Variants in SHROOM3 observed in about 807,000 individuals in gnomAD.
SHROOM3 encodes protein Shroom3.
SHROOM3 carries 47 observed loss-of-function variants against 138.6 expected under a neutral mutation model. That is an observed-to-expected ratio of 0.34 (90% CI 0.27 to 0.43). The LOEUF (loss-of-function observed/expected upper bound fraction) is 0.43. Ranked by LOEUF, SHROOM3 falls within the 20% of genes least tolerant of loss-of-function variation. The pLI, the probability that SHROOM3 is intolerant of heterozygous loss-of-function variation, is 1.00. For missense variants in SHROOM3, 2,491 were observed against 2,596.5 expected (o/e 0.96, Z 0.88); for synonymous variants, 1,062 against 1,063.3 (o/e 1.00, Z 0.02).
In SHROOM3 at chr4:76,741,761, A is replaced by G. The variant is rs1721264710; in HGVS notation, c.3588A>G (p.Thr1196=). 1 of 1,568,516 alleles carries G rather than the reference A, an allele frequency of 6.4e-7. No homozygotes were observed. The highest frequency in any genetic ancestry group is 1.3e-5 in the African/African-American group (1 of 74,108). The change falls in exon 5 of 11, where the codon ACA becomes ACG. Residue 1196 remains threonine (T), a synonymous_variant. Coordinates refer to ENST00000296043, the MANE Select transcript of SHROOM3 (RefSeq NM_020859.4). This position sits in a 1 kb window ranked among gnomAD's most constrained non-coding sequence, Gnocchi z 6.2. Reference sequence around the variant, plus strand: ...TGCTTAGCGGAGCAAACGGTGGAACAAGGGGCACCCAGAGAGGGGATGAGA... The same window carrying G: ...TGCTTAGCGGAGCAAACGGTGGAACGAGGGGCACCCAGAGAGGGGATGAGA... The part of the protein sequence containing the change: ...GDLLSGANGG[T]RGTQRGDETP...
intron 2 of SHROOM3, among the ~76,000 whole-genome samples, chr4:76,608,585 C>T (rs1426758504): frequency 2.1e-4 from 21 of 100,756 alleles, no homozygotes; most frequent in African/African-American, 6.6e-4. Flanking sequence ...CATAGCATAG[C>T]ATAGCATAGC....
intron 1 of SHROOM3, among the ~76,000 whole-genome samples, chr4:76,442,910 T>C (rs771401832): frequency 7.2e-5 from 11 of 152,196 alleles, no homozygotes; most frequent in Admixed American, 1.3e-4. Flanking sequence ...AAGAGGAAGA[T>C]AAGTATTAGA....
intron 2 of SHROOM3, among the ~76,000 whole-genome samples, chr4:76,658,449 G>A (rs1019358111): frequency 5.9e-5 from 9 of 152,236 alleles, no homozygotes; most frequent in East Asian, 3.9e-4. Flanking sequence ...ACAGGAAATA[G>A]CAAGACTAAA....
At chr4:76,534,387 G>A (rs7689670) in intron 1 of SHROOM3, among the ~76,000 whole-genome samples, 97,417 of 151,888 alleles carry the variant, frequency 0.64, 31,690 homozygotes, top group East Asian at 0.94. Flanking sequence ...ACTATGTGGC[G>A]GATAAATTGT....
intron 2 of SHROOM3, among the ~76,000 whole-genome samples, chr4:76,568,324 G>A (rs890990011): frequency 4.6e-5 from 7 of 152,170 alleles, no homozygotes; most frequent in Non-Finnish European, 8.8e-5. Context: ...CCCTTCACGG[G>A]TATAATAAAT....
At chr4:76,552,103 C>A (rs1008793160) in intron 1 of SHROOM3, among the ~76,000 whole-genome samples, 11 of 150,234 alleles carry the variant, frequency 7.3e-5, no homozygotes, top group Admixed American at 2.0e-4. Flanking sequence ...CCTTGTGATC[C>A]GCCCGCCTCG....
At chr4:76,716,292 C>T (rs759692864) in intron 3 of SHROOM3, 1 of 518,602 alleles carries the variant, frequency 1.9e-6, no homozygotes, top group East Asian at 5.4e-5. Context: ...GAGGCTTTTA[C>T]CATGCTGTGG....
At chr4:76,653,515 G>T (rs1286376831) in intron 2 of SHROOM3, among the ~76,000 whole-genome samples, 1 of 151,170 alleles carries the variant, frequency 6.6e-6, no homozygotes, top group Non-Finnish European at 1.5e-5. Context: ...TATGCAAAAA[G>T]CATGAACTGC....
At chr4:76,749,213 T>G in intron 6 of SHROOM3, 123 bp downstream of exon 6, 1 of 959,600 alleles carries the variant, frequency 1.0e-6, no homozygotes, top group Non-Finnish European at 1.6e-6. Context: ...TTTTGATTTG[T>G]CTAGGCCATG....
At position 76,602,117 on chromosome 4, in the gene SHROOM3, G is replaced by GA. The variant is rs552532482; in HGVS notation, c.323+46356dup. The stretch of plus-strand genomic sequence containing the variant: ...GGCTTTTCAAATACTTGCCAAGTGT[G>GA]AAGCCATCCAGGAGCAATTACAGAA... On this transcript the variant is annotated intron_variant, in intron 2 of 10. Coordinates refer to ENST00000296043, the MANE Select transcript of SHROOM3 (RefSeq NM_020859.4). Among the ~76,000 whole-genome samples the GA allele has an allele frequency of 7.9e-5, 12 of 152,284 alleles. No homozygotes were observed. In the East Asian group the frequency reaches 2.3e-3, roughly 29 times the overall value.
intron 3 of SHROOM3, among the ~76,000 whole-genome samples, chr4:76,728,710 G>A (rs1258507389): frequency 6.6e-6 from 1 of 152,146 alleles, no homozygotes; most frequent in Admixed American, 6.5e-5. Flanking sequence ...GTTTCCAGGT[G>A]GGTGAGGTCT....
At chr4:76,708,340 A>G (rs1454781592) in intron 2 of SHROOM3, among the ~76,000 whole-genome samples, 1 of 151,956 alleles carries the variant, frequency 6.6e-6, no homozygotes, top group Non-Finnish European at 1.5e-5. Flanking sequence ...AGAAGTGGAA[A>G]GGAAAGAGAA....
chr4:76,752,177 C>T (rs998113079), intron 6 of SHROOM3, among the ~76,000 whole-genome samples: 13 of 152,186 alleles, frequency 8.5e-5, no homozygotes, highest in African/African-American at 2.4e-4. Flanking sequence ...CATGACATTA[C>T]GTGAAGTGAA....
At chr4:76,541,174 C>G (rs1434625363) in intron 1 of SHROOM3, among the ~76,000 whole-genome samples, 1 of 152,094 alleles carries the variant, frequency 6.6e-6, no homozygotes, top group African/African-American at 2.4e-5. Flanking sequence ...ATTGCATATA[C>G]ATATTATGTT....
At chr4:76,713,814 G>A (rs1274953966) in intron 3 of SHROOM3, among the ~76,000 whole-genome samples, 1 of 152,108 alleles carries the variant, frequency 6.6e-6, no homozygotes, top group African/African-American at 2.4e-5. Flanking sequence ...CCGTCATAAT[G>A]TGCACTCCAT....
At chr4:76,467,235 T>TGGG (rs888440892) in intron 1 of SHROOM3, among the ~76,000 whole-genome samples, 5 of 151,940 alleles carry the variant, frequency 3.3e-5, no homozygotes, top group African/African-American at 1.2e-4. Context: ...TTGGTAGAGA[T>TGGG]GGGGTTTCAC....
At chr4:76,562,885 G>GA (rs1290844380) in intron 2 of SHROOM3, among the ~76,000 whole-genome samples, 4 of 152,188 alleles carry the variant, frequency 2.6e-5, no homozygotes, top group Admixed American at 2.6e-4. Context: ...AACTTTTCTA[G>GA]AACATAAAAA....
chr4:76,526,819 G>A (rs1732699951), intron 1 of SHROOM3, among the ~76,000 whole-genome samples: 1 of 152,156 alleles, frequency 6.6e-6, no homozygotes, highest in Non-Finnish European at 1.5e-5. Context: ...TAATTGTTTA[G>A]CTGCCAGCCC....
chr4:76,629,716 G>C (rs540665385), intron 2 of SHROOM3, among the ~76,000 whole-genome samples: 15 of 152,320 alleles, frequency 9.8e-5, no homozygotes, highest in African/African-American at 3.1e-4. Context: ...GTGAGAGAAA[G>C]AGAGAAGTCA....
Sources: gnomAD v4.1 joint callset for allele counts (sites outside exome capture counted in the v4.1 genomes callset) on GRCh38, gnomAD v4.1.1 for gene constraint, Gnocchi (gnomAD v3.1) non-coding constraint, MANE v1.5 for transcripts, NCBI Gene and HGNC (gene_info 2026-07-23, HGNC 2026-07-21) for gene names.